DPP10: variants seen among roughly 807,000 people sequenced by gnomAD.
The protein encoded by DPP10 is inactive dipeptidyl peptidase 10.
DPP10 carries 33 observed loss-of-function variants against 120.9 expected under a neutral mutation model. That is an observed-to-expected ratio of 0.27 (90% CI 0.21 to 0.37). The LOEUF is 0.37. Among genes scored for constraint, DPP10 ranks in the 10% least tolerant of loss-of-function variants. The pLI, the probability that DPP10 is intolerant of heterozygous loss-of-function variation, is 1.00. For missense variants in DPP10, 816 were observed against 942.8 expected (o/e 0.87, Z 1.76); for synonymous variants, 337 against 326.1 (o/e 1.03, Z -0.36).
At chr2:115,378,143 C>T (rs1314067673) in intron 3 of DPP10, among the ~76,000 whole-genome samples, 1 of 152,128 alleles carries the variant, frequency 6.6e-6, no homozygotes, top group African/African-American at 2.4e-5. Context: ...TTACCTTGGG[C>T]AGTATGGCCA....
At chr2:115,271,174 T>G (rs774689502) in intron 1 of DPP10, among the ~76,000 whole-genome samples, 1 of 152,234 alleles carries the variant, frequency 6.6e-6, no homozygotes, top group Non-Finnish European at 1.5e-5. Context: ...TTCTTCTTTT[T>G]AGAGGAAATT....
At chr2:114,734,928 G>C (rs554208919) in intron 1 of DPP10, among the ~76,000 whole-genome samples, 1 of 152,240 alleles carries the variant, frequency 6.6e-6, no homozygotes, top group South Asian at 2.1e-4. Context: ...GGCAGGTCTG[G>C]TTTCTTCTGA....
intron 1 of DPP10, among the ~76,000 whole-genome samples, chr2:114,635,495 T>G (rs1695238096): frequency 6.6e-6 from 1 of 151,960 alleles, no homozygotes; most frequent in African/African-American, 2.4e-5. Flanking sequence ...ACTAGCTAAT[T>G]TATATGAAGC....
chr2:115,319,052 AT>A (rs1366660612), intron 2 of DPP10, among the ~76,000 whole-genome samples: 1 of 152,120 alleles, frequency 6.6e-6, no homozygotes, highest in East Asian at 1.9e-4. Flanking sequence ...TTAGATAAAG[AT>A]TCTTTACATT....
chr2:114,710,286 A>G (rs908022695), intron 1 of DPP10, among the ~76,000 whole-genome samples: 2 of 152,250 alleles, frequency 1.3e-5, no homozygotes, highest in African/African-American at 2.4e-5. Context: ...TGAACCTGCA[A>G]TGTTGAAGGT....
At chr2:115,590,517 G>A (rs867446120) in intron 5 of DPP10, among the ~76,000 whole-genome samples, 40 of 152,162 alleles carry the variant, frequency 2.6e-4, no homozygotes, top group African/African-American at 6.7e-4. Flanking sequence ...TTATAGCTGC[G>A]TAGTATTCCA....
intron 1 of DPP10, among the ~76,000 whole-genome samples, chr2:114,960,032 G>GA (rs1011403825): frequency 1.1e-4 from 17 of 151,576 alleles, no homozygotes; most frequent in African/African-American, 3.9e-4. Flanking sequence ...TTTTAATTAG[G>GA]AAAAAAAATT....
chr2:115,766,322 ATATG>A (rs56892691), intron 12 of DPP10, among the ~76,000 whole-genome samples: 5,203 of 73,940 alleles, frequency 0.07, 152 homozygotes, highest in South Asian at 0.092. Context: ...ATATATATAT[ATATG>A]TATATATATA....
intron 3 of DPP10, among the ~76,000 whole-genome samples, chr2:115,439,574 A>G (rs1351188785): frequency 6.6e-6 from 1 of 152,198 alleles, no homozygotes; most frequent in Non-Finnish European, 1.5e-5. Context: ...AATTTTTGCT[A>G]AATTGGAATA....
intron 1 of DPP10, among the ~76,000 whole-genome samples, chr2:114,649,821 T>C (rs1442074026): frequency 1.3e-5 from 2 of 152,196 alleles, no homozygotes; most frequent in East Asian, 3.8e-4. Context: ...TAGTAGTTTT[T>C]TTTTCATCAT....
intron 1 of DPP10, among the ~76,000 whole-genome samples, chr2:114,684,731 G>A (rs1169147118): frequency 2.0e-5 from 3 of 151,912 alleles, no homozygotes; most frequent in African/African-American, 7.2e-5. Flanking sequence ...AGAGGTCGGT[G>A]GATGGAAAAT....
intron 1 of DPP10, among the ~76,000 whole-genome samples, chr2:115,115,049 G>A (rs968713628): frequency 2.0e-5 from 3 of 151,828 alleles, no homozygotes; most frequent in Admixed American, 6.6e-5. Flanking sequence ...GCCTAAGACG[G>A]CACAGGTAGG....
intron 1 of DPP10, among the ~76,000 whole-genome samples, chr2:114,637,216 A>G: frequency 6.6e-6 from 1 of 152,030 alleles, no homozygotes; most frequent in South Asian, 2.1e-4. Flanking sequence ...GTATAATATA[A>G]ATAATTATAT....
intron 13 of DPP10, 56 bp from the exon 14 acceptor site, chr2:115,777,152 A>G: frequency 6.6e-7 from 1 of 1,505,642 alleles, no homozygotes; most frequent in South Asian, 1.1e-5. Context: ...ATTCGTGTTT[A>G]CCAGAGAGAT....
chr2:114,964,107 T>C (rs1448540861), intron 1 of DPP10, among the ~76,000 whole-genome samples: 1 of 152,196 alleles, frequency 6.6e-6, no homozygotes, highest in Non-Finnish European at 1.5e-5. Flanking sequence ...TTGCCTTATT[T>C]GTAAATGTGA....
At chr2:115,593,558 A>T (rs1469279791) in intron 5 of DPP10, among the ~76,000 whole-genome samples, 2 of 143,534 alleles carry the variant, frequency 1.4e-5, no homozygotes, top group East Asian at 4.2e-4. Context: ...AGCCAGAAAA[A>T]TGGAAGAAAA....
intron 1 of DPP10, among the ~76,000 whole-genome samples, chr2:114,856,892 G>A (rs895421792): frequency 2.6e-5 from 4 of 152,132 alleles, no homozygotes; most frequent in Non-Finnish European, 5.9e-5. Flanking sequence ...TGATTACAGT[G>A]ATAGTAACTA....
At chr2:115,266,783 T>G (rs2059481496) in intron 1 of DPP10, among the ~76,000 whole-genome samples, 1 of 152,166 alleles carries the variant, frequency 6.6e-6, no homozygotes, top group Middle Eastern at 3.2e-3. Context: ...TTCAAAAGAC[T>G]AAATAGCATG....
At chr2:114,744,490 A>C (rs896429909) in intron 1 of DPP10, among the ~76,000 whole-genome samples, 6 of 152,344 alleles carry the variant, frequency 3.9e-5, no homozygotes, top group Admixed American at 2.0e-4. Context: ...TGCTAACATT[A>C]GAACATGAAG....
Sources: allele counts gnomAD v4.1 joint callset (sites outside exome capture counted in the v4.1 genomes callset), GRCh38; gene constraint gnomAD v4.1.1; transcripts MANE v1.5; gene names NCBI Gene and HGNC (gene_info 2026-07-23, HGNC 2026-07-21).